The following KCNQ1 variants were observed in gnomAD, a reference collection of about 807,000 sequenced individuals.
KCNQ1 encodes the protein potassium voltage-gated channel subfamily KQT member 1.
A neutral mutation model predicts 72.4 loss-of-function variants in KCNQ1; 49 were observed. The observed-to-expected ratio is 0.68, with a 90% CI of 0.54 to 0.86. The LOEUF is 0.86. Among genes scored for constraint, KCNQ1 ranks in the 40% least tolerant of loss-of-function variants. The probability of loss-of-function intolerance (pLI) is 0.00; values close to 1 mark genes in which losing one functional copy is unlikely to be tolerated. For synonymous variants in KCNQ1, 450 were observed against 412.6 expected, an observed-to-expected ratio of 1.09 and a Z score of -1.10; for missense variants, 790 against 945.1, an observed-to-expected ratio of 0.84 and a Z score of 2.15.
intron 1 of KCNQ1, among the ~76,000 whole-genome samples, chr11:2,499,436 C>A (rs1846972427): frequency 6.6e-6 from 1 of 151,662 alleles, no homozygotes; most frequent in African/African-American, 2.4e-5. Flanking sequence ...AATAAAATGG[C>A]AAGAGTGAGT....
At chr11:2,810,847 G>A (rs1847470558) in intron 15 of KCNQ1, among the ~76,000 whole-genome samples, 1 of 152,220 alleles carries the variant, frequency 6.6e-6, no homozygotes, top group African/African-American at 2.4e-5. Context: ...GCATCTGAGA[G>A]CTTGGGCTCG....
rs1404378976 is a variant in KCNQ1 at position 2,544,561 on chromosome 11, G to A, written c.477+16543G>A. Among the ~76,000 whole-genome samples the A allele has an allele frequency of 6.6e-6, 1 of 151,640 alleles. No homozygotes were observed. The highest frequency in any genetic ancestry group is 1.5e-5 in the Non-Finnish European group (1 of 67,880). ...TCATAGTTTTTAGTGTATAGGTCTTGTACATCTTTTGAGGTACCTAAGTGT... is the reference window on the plus strand; with the variant it reads ...TCATAGTTTTTAGTGTATAGGTCTTATACATCTTTTGAGGTACCTAAGTGT... On this transcript the variant is annotated intron_variant, in intron 2 of 15. Transcript: ENST00000155840. This position sits in a 1 kb window ranked among gnomAD's most constrained non-coding sequence, Gnocchi z 4.4.
intron 1 of KCNQ1, among the ~76,000 whole-genome samples, chr11:2,461,172 G>A (rs905557352): frequency 2.6e-5 from 4 of 152,188 alleles, no homozygotes; most frequent in African/African-American, 4.8e-5. Flanking sequence ...CTCGGTGTCC[G>A]ACCTGGTGAT....
intron 7 of KCNQ1, among the ~76,000 whole-genome samples, chr11:2,583,962 C>T (rs537391665): frequency 1.3e-5 from 2 of 152,154 alleles, no homozygotes; most frequent in South Asian, 4.1e-4. Flanking sequence ...GGTGATGTGT[C>T]TAGTTCACAA....
In KCNQ1 at chr11:2,471,649, T is replaced by C. The variant is rs11604319; in HGVS notation, c.386+26165T>C. 0.57 allele frequency among the ~76,000 whole-genome samples: 85,272 copies of C among 149,992 alleles called. 24,601 individuals carry two copies. The highest frequency in any genetic ancestry group is 0.64 in the Non-Finnish European group (43,131 of 67,454). On this transcript the variant is annotated intron_variant, in intron 1 of 15. Coordinates refer to ENST00000155840, the MANE Select transcript of KCNQ1 (RefSeq NM_000218.3). The surrounding 1 kb of genome is among the most constrained non-coding windows in gnomAD (Gnocchi z 4.8). ...ACGTATGCACGGATGTGTGTACACA[T>C]GTGTATGGGTGTGTGCATGGGTGTG...
In KCNQ1 at chr11:2,695,838, T is replaced by C; in HGVS notation, c.1514+33757T>C. On this transcript the variant is annotated intron_variant, in intron 11 of 15. Coordinates refer to ENST00000155840, the MANE Select transcript of KCNQ1 (RefSeq NM_000218.3). The surrounding 1 kb of genome is among the most constrained non-coding windows in gnomAD (Gnocchi z 5.2). Reference sequence around the variant, plus strand: ...TCATTTACATTTCTCTGATAACTGATTAGCTTGGGCAAATTTTCATCTGTT... The same window carrying C: ...TCATTTACATTTCTCTGATAACTGACTAGCTTGGGCAAATTTTCATCTGTT... The C allele has an allele frequency of 2.5e-6, 1 of 398,644 alleles. No individual in the cohort carries two copies. The highest frequency in any genetic ancestry group is 4.4e-6 in the Non-Finnish European group (1 of 226,078). The allele number at this position is 398,644 out of a possible 1,614,324, so 24.7% of individuals were successfully genotyped here.
chr11:2,643,909 A>T (rs1849620684), intron 10 of KCNQ1: 1 of 398,482 alleles, frequency 2.5e-6, no homozygotes, highest in African/African-American at 2.1e-5. Flanking sequence ...TTTTTCTTTC[A>T]GCACTCTGCG....
At chr11:2,821,955 T>A in intron 15 of KCNQ1, among the ~76,000 whole-genome samples, 1 of 152,070 alleles carries the variant, frequency 6.6e-6, no homozygotes, top group East Asian at 1.9e-4. Flanking sequence ...AAGTGAAGGA[T>A]CCAGAGATGG....
chr11:2,741,979 CTTG>C, intron 11 of KCNQ1, among the ~76,000 whole-genome samples: 1 of 152,396 alleles, frequency 6.6e-6, no homozygotes, highest in South Asian at 2.1e-4. Flanking sequence ...GGGCTGCCGC[CTTG>C]TAACCCCCAG....
chr11:2,778,695 G>C (rs1846760977), intron 15 of KCNQ1, among the ~76,000 whole-genome samples: 1 of 152,238 alleles, frequency 6.6e-6, no homozygotes, highest in African/African-American at 2.4e-5. Flanking sequence ...TGAAGTCTCT[G>C]TGGTTTGAAG....
Position 2,478,168 on chromosome 11 carries a change from CAG to C in KCNQ1, c.386+32685_386+32686del, listed in dbSNP as rs1388228581. 6.6e-6 allele frequency among the ~76,000 whole-genome samples: 1 copy of C among 152,152 alleles called. No individual in the cohort carries two copies. The highest frequency in any genetic ancestry group is 2.4e-5 in the African/African-American group (1 of 41,424). On this transcript the variant is annotated intron_variant, in intron 1 of 15. Transcript: ENST00000155840. This position sits in a 1 kb window ranked among gnomAD's most constrained non-coding sequence, Gnocchi z 4.0. The stretch of plus-strand genomic sequence containing the variant: ...TCCAGGGTCGAATCATCCGGAGACA[CAG>C]GGCAAACCCACATGGAGGGAGACAC...
At chr11:2,825,479 C>T (rs1322631084) in intron 15 of KCNQ1, among the ~76,000 whole-genome samples, 1 of 152,156 alleles carries the variant, frequency 6.6e-6, no homozygotes, top group African/African-American at 2.4e-5. Context: ...GCCAGTGTCC[C>T]TCCAGTCGTC....
intron 11 of KCNQ1, among the ~76,000 whole-genome samples, chr11:2,716,846 C>T (rs1851101509): frequency 6.6e-6 from 1 of 152,342 alleles, no homozygotes; most frequent in Admixed American, 6.5e-5. Flanking sequence ...CGAGGGCAGG[C>T]AGGAGCCAGG....
At position 2,663,064 on chromosome 11, in the gene KCNQ1, G is replaced by C. The variant is rs1173432970; in HGVS notation, c.1514+983G>C. The C allele has an allele frequency of 2.5e-6, 1 of 398,508 alleles. No homozygotes were observed. Among genetic ancestry groups the C allele is most frequent in the Non-Finnish European group, 4.4e-6 (1 of 226,088 alleles). The allele number at this position is 398,508 out of a possible 1,614,324, so 24.7% of individuals were successfully genotyped here. A position where few individuals can be genotyped will look rare whatever the true frequency, so the allele number is the denominator to read the frequency against. On this transcript the variant is annotated intron_variant, in intron 11 of 15. Transcript: ENST00000155840. The surrounding 1 kb of genome is among the most constrained non-coding windows in gnomAD (Gnocchi z 5.2). ...GCAGGTGTAACCAGAGAACTGGCAG[G>C]GTTGGGTAGCCAGAATGAGGCCACC...
At chr11:2,763,836 G>A (rs1590074198) in intron 11 of KCNQ1, among the ~76,000 whole-genome samples, 1 of 137,274 alleles carries the variant, frequency 7.3e-6, no homozygotes, top group East Asian at 2.6e-4. Flanking sequence ...CACTGGGATT[G>A]CAGATGTGAG....
At chr11:2,641,135 G>A (rs1053523542) in intron 10 of KCNQ1, 3 of 398,380 alleles carry the variant, frequency 7.5e-6, no homozygotes, top group African/African-American at 6.2e-5. Flanking sequence ...ACACGGGGAT[G>A]CAGGTACATT....
chr11:2,797,004 A>T (rs1176240110), intron 15 of KCNQ1, among the ~76,000 whole-genome samples: 1 of 152,074 alleles, frequency 6.6e-6, no homozygotes. Context: ...GTGGGGAGAG[A>T]TTTTACAACG....
At position 2,815,754 on chromosome 11, in the gene KCNQ1, G is replaced by C. The variant is rs1847600431; in HGVS notation, c.1795-32013G>C. On this transcript the variant is annotated intron_variant, in intron 15 of 15. Coordinates refer to ENST00000155840, the MANE Select transcript of KCNQ1 (RefSeq NM_000218.3). The surrounding 1 kb of genome is among the most constrained non-coding windows in gnomAD (Gnocchi z 5.4). ...GTGGGAGCAGACACGGGAGTAGGAT[G>C]GGGGCCCTGGAGGTACTGGGTGGAG... Among the ~76,000 whole-genome samples, 1 of 152,110 alleles carries C rather than the reference G, an allele frequency of 6.6e-6. No individual in the cohort carries two copies. Among genetic ancestry groups the C allele is most frequent in the Non-Finnish European group, 1.5e-5 (1 of 67,994 alleles).
chr11:2,617,978 A>G lies in KCNQ1; in HGVS notation c.1393+29124A>G, dbSNP rs1589984280. 2.5e-6 allele frequency: 1 copy of G among 398,524 alleles called. No homozygotes were observed. Among genetic ancestry groups the G allele is most frequent in the East Asian group, 3.6e-5 (1 of 28,076 alleles). 24.7% of individuals were successfully genotyped at this position (398,524 alleles called of 1,614,324 possible). Reference sequence around the variant, plus strand: ...GTTGGCAAATATTTTCTTCTAGTCCATAGGTTGCCTTTTCCTTTTGTTGAC... The same window carrying G: ...GTTGGCAAATATTTTCTTCTAGTCCGTAGGTTGCCTTTTCCTTTTGTTGAC... On this transcript the variant is annotated intron_variant, in intron 10 of 15. Transcript: ENST00000155840. The surrounding 1 kb of genome is among the most constrained non-coding windows in gnomAD (Gnocchi z 4.6).
Sources: gnomAD v4.1 joint callset for allele counts (sites outside exome capture counted in the v4.1 genomes callset) on GRCh38, gnomAD v4.1.1 for gene constraint, Gnocchi (gnomAD v3.1) non-coding constraint, MANE v1.5 for transcripts, NCBI Gene and HGNC (gene_info 2026-07-23, HGNC 2026-07-21) for gene names.